ITPR1: variants seen among roughly 807,000 people sequenced by gnomAD.
The protein encoded by ITPR1 is inositol 1,4,5-trisphosphate-gated calcium channel ITPR1.
ITPR1 carries 96 observed loss-of-function variants against 318.4 expected under a neutral mutation model. That is an observed-to-expected ratio of 0.30 (90% CI 0.26 to 0.36). The LOEUF is 0.36. ITPR1 is among the 10% of genes least tolerant of loss of function. ITPR1 has a pLI of 1.00. For missense variants in ITPR1, 2,440 were observed against 3,460.2 expected, an observed-to-expected ratio of 0.71 and a Z score of 7.40; for synonymous variants, 1,312 against 1,289.9, an observed-to-expected ratio of 1.02 and a Z score of -0.37.
chr3:4,526,102 A>T (rs374182346), intron 4 of ITPR1, among the ~76,000 whole-genome samples: 11 of 152,240 alleles, frequency 7.2e-5, no homozygotes. Flanking sequence ...CTCTGTTCAC[A>T]TCAAGAGGCC....
intron 4 of ITPR1, among the ~76,000 whole-genome samples, chr3:4,622,438 A>C (rs576222839): frequency 4.4e-4 from 61 of 138,282 alleles, no homozygotes; most frequent in Non-Finnish European, 6.5e-4. Flanking sequence ...TTCTTTCTTT[A>C]TTTTGAGATG....
At chr3:4,507,678 T>G (rs1215933936) in intron 2 of ITPR1, among the ~76,000 whole-genome samples, 1 of 152,166 alleles carries the variant, frequency 6.6e-6, no homozygotes, top group Non-Finnish European at 1.5e-5. Flanking sequence ...AAGCATAGGT[T>G]CCTCTCTGTG....
At chr3:4,590,817 A>T (rs2090339399) in intron 4 of ITPR1, among the ~76,000 whole-genome samples, 1 of 152,132 alleles carries the variant, frequency 6.6e-6, no homozygotes, top group Non-Finnish European at 1.5e-5. Flanking sequence ...ACATATTATT[A>T]CATTACCCAG....
rs552724952 is a variant in ITPR1 at position 4,563,062 on chromosome 3, T to C, written c.163+41968T>C. On this transcript the variant is annotated intron_variant, in intron 4 of 61. Coordinates refer to ENST00000649015, the MANE Select transcript of ITPR1 (RefSeq NM_001378452.1). ...TTAGGAAGAGCTGGCCACTTGTATCTCTGGGGACACAGTATGCTAGCATCA... is the reference window on the plus strand; with the variant it reads ...TTAGGAAGAGCTGGCCACTTGTATCCCTGGGGACACAGTATGCTAGCATCA... Among the ~76,000 whole-genome samples the C allele has an allele frequency of 1.1e-3, 160 of 152,264 alleles. 1 individual carries two copies. The highest frequency in any genetic ancestry group is 3.8e-3 in the African/African-American group (156 of 41,540).
At chr3:4,764,709 G>A (rs2045692066) in intron 44 of ITPR1, among the ~76,000 whole-genome samples, 1 of 152,186 alleles carries the variant, frequency 6.6e-6, no homozygotes, top group Admixed American at 6.5e-5. Flanking sequence ...ATAAGAATAG[G>A]GCAGTGGCAT....
At chr3:4,612,457 C>T (rs148918102) in intron 4 of ITPR1, among the ~76,000 whole-genome samples, 1 of 152,216 alleles carries the variant, frequency 6.6e-6, no homozygotes, top group Non-Finnish European at 1.5e-5. Flanking sequence ...ATGGCAGTAC[C>T]TCAACACCCA....
At position 4,667,569 on chromosome 3, in the gene ITPR1, CATGCAGGATGGTGTCTCTGCCTGTAAG is replaced by C. The variant is rs1293278388; in HGVS notation, c.1886+28_1886+54del. 46 of 1,601,816 alleles carry C rather than the reference CATGCAGGATGGTGTCTCTGCCTGTAAG, an allele frequency of 2.9e-5. No homozygotes were observed. Among genetic ancestry groups the C allele is most frequent in the Non-Finnish European group, 3.8e-5 (45 of 1,172,826 alleles). ...GCCCAGGTGAGGCGGGAGTGGGGTC[CATGCAGGATGGTGTCTCTGCCTGTAAG>C]ATGCAGGGACTTAGCTGGTGCTTTT... is the stretch of plus-strand genomic sequence containing the variant. On this transcript the variant is annotated intron_variant, in intron 18 of 61. Transcript: ENST00000649015.
In ITPR1 at chr3:4,516,524, T is replaced by C. The variant is rs1014423440; in HGVS notation, c.33T>C (p.Ile11=). 3 of 1,598,988 alleles carry C rather than the reference T, an allele frequency of 1.9e-6. No homozygotes were observed. The African/African-American group carries it at 4.0e-5, about 22-fold the overall frequency. Reference sequence around the variant, plus strand: ...ACAAAATGTCTAGCTTCCTACATATTGGAGACATTTGTTCTCTGTACGCGG... The same window carrying C: ...ACAAAATGTCTAGCTTCCTACATATCGGAGACATTTGTTCTCTGTACGCGG... MSDKMSSFLH[I]GDICSLYAEG... is the part of the protein sequence containing the mutation. The change falls in exon 3 of 62, where the codon ATT becomes ATC. Residue 11 remains isoleucine, a synonymous_variant. Coordinates refer to ENST00000649015, the MANE Select transcript of ITPR1 (RefSeq NM_001378452.1).
intron 4 of ITPR1, among the ~76,000 whole-genome samples, chr3:4,599,758 C>T (rs947609514): frequency 2.6e-5 from 4 of 152,206 alleles, no homozygotes; most frequent in African/African-American, 9.7e-5. Flanking sequence ...GTGTGTTGGA[C>T]TTGACTTCCC....
chr3:4,512,289 C>T (rs1575363868), intron 2 of ITPR1, among the ~76,000 whole-genome samples: 1 of 152,266 alleles, frequency 6.6e-6, no homozygotes, highest in East Asian at 1.9e-4. Flanking sequence ...CTGAACAAGG[C>T]TGTTTGAACA....
At chr3:4,736,526 C>G (rs1437481804) in intron 44 of ITPR1, among the ~76,000 whole-genome samples, 2 of 152,256 alleles carry the variant, frequency 1.3e-5, no homozygotes, top group African/African-American at 4.8e-5. Context: ...CCCGCTTCCC[C>G]CAACGTACAC....
chr3:4,519,060 C>T (rs987952436), intron 3 of ITPR1, among the ~76,000 whole-genome samples: 1 of 152,070 alleles, frequency 6.6e-6, no homozygotes, highest in African/African-American at 2.4e-5. Flanking sequence ...TCCCTGAGAC[C>T]AACTTTCATT....
chr3:4,774,542 C>G (rs556194944), intron 46 of ITPR1, among the ~76,000 whole-genome samples: 27 of 152,332 alleles, frequency 1.8e-4, no homozygotes, highest in African/African-American at 6.0e-4. Context: ...AAAATCTCCT[C>G]ATTAAAATAC....
At position 4,670,874 on chromosome 3, in the gene ITPR1, C is replaced by G; in HGVS notation, c.2152C>G (p.Gln718Glu). Reference protein sequence around the residue: ...IRSKSVRELAQDAKEGQKEDR... With the variant: ...IRSKSVRELAEDAKEGQKEDR... ...CAGCAAGAGTGTGAGGGAATTGGCT[C>G]AGGATGCTAAAGAAGGGCAGAAGGA... The change falls in exon 20 of 62, where the codon CAG (glutamine) becomes GAG (glutamate). Residue 718 changes from glutamine (Q) to glutamate (E), a missense_variant. By Grantham distance (29) the Gln-to-Glu change is conservative (BLOSUM62 2). Around this residue, in one of 23 missense-constraint regions of ITPR1, gnomAD observed 478 missense variants for 696.3 expected, o/e 0.69. Coordinates refer to ENST00000649015, the MANE Select transcript of ITPR1 (RefSeq NM_001378452.1). 6.2e-7 allele frequency: 1 copy of G among 1,608,062 alleles called. No homozygotes were observed. The highest frequency in any genetic ancestry group is 1.3e-5 in the African/African-American group (1 of 74,908).
chr3:4,836,994 A>G lies in ITPR1; in HGVS notation c.8190+59A>G, dbSNP rs1352809341. 6 of 1,386,126 alleles carry G rather than the reference A, an allele frequency of 4.3e-6. No homozygotes were observed. The South Asian group carries it at 1.0e-4, about 23-fold the overall frequency. The allele number at this position is 1,386,126 out of a possible 1,614,324, so 85.9% of individuals were successfully genotyped here. Reference sequence around the variant, plus strand: ...ATCACTATCCCCACCCACACCCACTATCACCACACCAAATCTGATGAGGAA... The same window carrying G: ...ATCACTATCCCCACCCACACCCACTGTCACCACACCAAATCTGATGAGGAA... On this transcript the variant is annotated intron_variant, in intron 61 of 61. Transcript: ENST00000649015.
intron 5 of ITPR1, 150 bp from the exon 6 acceptor site, chr3:4,639,234 G>T (rs186609782): frequency 3.8e-5 from 23 of 612,360 alleles, no homozygotes; most frequent in African/African-American, 3.4e-4. Flanking sequence ...GAACCCCTTG[G>T]CTCATTTCTT....
chr3:4,641,353 A>G (rs150260585), intron 6 of ITPR1, among the ~76,000 whole-genome samples: 2 of 152,322 alleles, frequency 1.3e-5, no homozygotes, highest in Admixed American at 6.5e-5. Flanking sequence ...TGAAATGACA[A>G]TCCCCTAAAG....
At chr3:4,845,266 G>C (rs1171065863) in intron 61 of ITPR1, among the ~76,000 whole-genome samples, 1 of 152,132 alleles carries the variant, frequency 6.6e-6, no homozygotes, top group African/African-American at 2.4e-5. Context: ...TATATATTCC[G>C]TATAGCCTTT....
chr3:4,760,642 C>T (rs1201464059), intron 44 of ITPR1, among the ~76,000 whole-genome samples: 1 of 152,210 alleles, frequency 6.6e-6, no homozygotes, highest in African/African-American at 2.4e-5. Context: ...TGTTGGCAGG[C>T]CAGCGCTCCT....
Sources: allele counts gnomAD v4.1 joint callset (sites outside exome capture counted in the v4.1 genomes callset), GRCh38; gene constraint gnomAD v4.1.1; regional missense constraint gnomAD v4.1.1; transcripts MANE v1.5; gene names NCBI Gene and HGNC (gene_info 2026-07-23, HGNC 2026-07-21).